The following LSAMP variants were observed in gnomAD, a reference collection of about 807,000 sequenced individuals.
The protein encoded by LSAMP is limbic system-associated membrane protein.
In LSAMP, 7 loss-of-function variants were observed where a neutral mutation model predicts 38.6. The observed-to-expected ratio is 0.18, with a 90% CI of 0.10 to 0.34. LSAMP has a LOEUF of 0.34. Ranked by LOEUF, LSAMP falls within the 10% of genes least tolerant of loss-of-function variation. The pLI is 1.00. For missense variants in LSAMP, 313 were observed against 420.0 expected (o/e 0.75, Z 2.23); for synonymous variants, 154 against 166.8 (o/e 0.92, Z 0.59).
chr3:115,986,829 C>G (rs1159108067), intron 3 of LSAMP, among the ~76,000 whole-genome samples: 1 of 152,168 alleles, frequency 6.6e-6, no homozygotes, highest in Non-Finnish European at 1.5e-5. Flanking sequence ...GGACCAATGA[C>G]TAATGTTTCT....
At chr3:116,289,531 T>C (rs2047236237) in intron 1 of LSAMP, among the ~76,000 whole-genome samples, 1 of 152,182 alleles carries the variant, frequency 6.6e-6, no homozygotes, top group African/African-American at 2.4e-5. Context: ...CAAAGGCTGC[T>C]GAGGACCCAC....
intron 6 of LSAMP, among the ~76,000 whole-genome samples, chr3:115,811,661 A>T (rs911089773): frequency 6.6e-6 from 1 of 152,132 alleles, no homozygotes; most frequent in Admixed American, 6.5e-5. Flanking sequence ...TTACAAACAT[A>T]CCCAATTGGA....
chr3:116,119,441 A>G (rs1227177011), intron 1 of LSAMP, among the ~76,000 whole-genome samples: 2 of 152,108 alleles, frequency 1.3e-5, no homozygotes, highest in Admixed American at 1.3e-4. Flanking sequence ...TGCAAATAAT[A>G]TTTACTAAAG....
At chr3:115,947,680 G>GT (rs1454201280) in intron 3 of LSAMP, among the ~76,000 whole-genome samples, 5 of 152,104 alleles carry the variant, frequency 3.3e-5, no homozygotes, top group African/African-American at 1.2e-4. Flanking sequence ...AATAAAAAAA[G>GT]TTTACAAAAA....
intron 3 of LSAMP, among the ~76,000 whole-genome samples, chr3:115,950,350 A>G (rs1206387992): frequency 1.3e-5 from 2 of 152,096 alleles, no homozygotes; most frequent in African/African-American, 4.8e-5. Context: ...GACTCATCCA[A>G]AATCCTCCTA....
chr3:116,413,243 TTATA>T (rs10545832), intron 1 of LSAMP, among the ~76,000 whole-genome samples: 66 of 150,342 alleles, frequency 4.4e-4, no homozygotes, highest in Middle Eastern at 6.9e-3. Context: ...TTTCATGACA[TTATA>T]TATATATATA....
At chr3:116,186,088 T>C (rs1480455224) in intron 1 of LSAMP, among the ~76,000 whole-genome samples, 2 of 152,070 alleles carry the variant, frequency 1.3e-5, no homozygotes, top group African/African-American at 4.8e-5. Context: ...GAAGGACATG[T>C]GACAGCATCA....
At position 116,202,281 on chromosome 3, in the gene LSAMP, G is replaced by A. The variant is rs552083227; in HGVS notation, c.156-115725C>T. Among the ~76,000 whole-genome samples, 43 of 151,862 alleles carry A rather than the reference G, an allele frequency of 2.8e-4. 1 individual carries two copies. The highest frequency in any genetic ancestry group is 8.7e-4 in the African/African-American group (36 of 41,436). On this transcript the variant is annotated intron_variant, in intron 1 of 6. Transcript: ENST00000490035. ...CTCCTGAGTAGTTGGGACTACAGGC[G>A]CATGCCACCACACCTGGCTAATTTT... is the stretch of plus-strand genomic sequence containing the variant.
chr3:116,293,706 C>A (rs1411508943), intron 1 of LSAMP, among the ~76,000 whole-genome samples: 1 of 151,996 alleles, frequency 6.6e-6, no homozygotes, highest in African/African-American at 2.4e-5. Flanking sequence ...TCAGCATAAG[C>A]ACTATAGTGA....
chr3:115,889,149 T>C (rs1294750864), intron 3 of LSAMP, among the ~76,000 whole-genome samples: 1 of 151,920 alleles, frequency 6.6e-6, no homozygotes, highest in African/African-American at 2.4e-5. Context: ...AGTACAGGGC[T>C]GGAATGGAAA....
intron 1 of LSAMP, among the ~76,000 whole-genome samples, chr3:116,221,150 C>CAAAAAAAAAA (rs71141862): frequency 0.047 from 2,505 of 52,992 alleles, 530 homozygotes; most frequent in African/African-American, 0.073. Flanking sequence ...GACTCTGTCT[C>CAAAAAAAAAA]AAAAAAAAAA....
intron 3 of LSAMP, among the ~76,000 whole-genome samples, chr3:115,918,259 C>A (rs1383573666): frequency 6.6e-6 from 1 of 152,088 alleles, no homozygotes; most frequent in Non-Finnish European, 1.5e-5. Flanking sequence ...CCAAATGATG[C>A]AAAGGTTATG....
chr3:116,280,832 C>T (rs755030538), intron 1 of LSAMP, among the ~76,000 whole-genome samples: 4 of 152,312 alleles, frequency 2.6e-5, no homozygotes, highest in Non-Finnish European at 4.4e-5. Context: ...TTGCAAGTAA[C>T]ATGCTGCCTC....
At chr3:116,047,008 C>T (rs1941303160) in intron 2 of LSAMP, among the ~76,000 whole-genome samples, 1 of 152,230 alleles carries the variant, frequency 6.6e-6, no homozygotes, top group East Asian at 1.9e-4. Flanking sequence ...GAGAAACAAG[C>T]CCTGTTTTAT....
intron 1 of LSAMP, among the ~76,000 whole-genome samples, chr3:116,272,689 C>T (rs140273618): frequency 5.1e-4 from 77 of 152,094 alleles, no homozygotes; most frequent in African/African-American, 1.7e-3. Flanking sequence ...CTGGATAGTC[C>T]GTTATTTTCT....
chr3:116,080,892 A>G (rs942756948), intron 2 of LSAMP, among the ~76,000 whole-genome samples: 1 of 152,248 alleles, frequency 6.6e-6, no homozygotes, highest in Non-Finnish European at 1.5e-5. Context: ...TATAGGCTAA[A>G]CTTTTGAATA....
intron 1 of LSAMP, among the ~76,000 whole-genome samples, chr3:116,128,659 C>G (rs1313884009): frequency 6.6e-6 from 1 of 152,172 alleles, no homozygotes; most frequent in Non-Finnish European, 1.5e-5. Flanking sequence ...AGAATGAAAT[C>G]ATTTAAGTGA....
chr3:116,259,541 C>T (rs1407504859), intron 1 of LSAMP, among the ~76,000 whole-genome samples: 2 of 152,058 alleles, frequency 1.3e-5, no homozygotes, highest in Admixed American at 6.6e-5. Flanking sequence ...TATTTTAAGA[C>T]TTATTTCGTT....
At chr3:116,121,245 G>A (rs1254958918) in intron 1 of LSAMP, among the ~76,000 whole-genome samples, 1 of 152,154 alleles carries the variant, frequency 6.6e-6, no homozygotes, top group African/African-American at 2.4e-5. Flanking sequence ...CAGTGAGCAG[G>A]AGATAAGCAT....
Sources: allele counts gnomAD v4.1 joint callset (sites outside exome capture counted in the v4.1 genomes callset), GRCh38; gene constraint gnomAD v4.1.1; transcripts MANE v1.5; gene names NCBI Gene and HGNC (gene_info 2026-07-23, HGNC 2026-07-21).